Variants in ABCA9 observed in about 807,000 individuals in gnomAD.
The protein encoded by ABCA9 is ATP-binding cassette sub-family A member 9.
Under a neutral mutation model 205.3 loss-of-function variants are expected in ABCA9, and 183 were observed. That is an observed-to-expected ratio of 0.89 (90% CI 0.79 to 1.01). The LOEUF is 1.01. ABCA9 is among the 50% of genes least tolerant of loss of function. The pLI, the probability that ABCA9 is intolerant of heterozygous loss-of-function variation, is 0.00. For synonymous variants in ABCA9, 651 were observed against 683.3 expected (o/e 0.95, Z 0.74); for missense variants, 1,805 against 1,912.4 (o/e 0.94, Z 1.05).
intron 25 of ABCA9, among the ~76,000 whole-genome samples, chr17:69,005,103 C>A (rs2070077051): frequency 6.6e-6 from 1 of 152,192 alleles, no homozygotes; most frequent in Admixed American, 6.5e-5. Context: ...AGGCTGGGAG[C>A]TGTAGACCGG....
intron 25 of ABCA9, among the ~76,000 whole-genome samples, chr17:69,007,020 G>A (rs542036575): frequency 6.6e-6 from 1 of 152,200 alleles, no homozygotes; most frequent in South Asian, 2.1e-4. Flanking sequence ...ACATGCATGT[G>A]GATTGAATGA....
intron 1 of ABCA9, among the ~76,000 whole-genome samples, chr17:69,054,776 G>A (rs866523024): frequency 6.6e-6 from 1 of 151,866 alleles, no homozygotes; most frequent in Non-Finnish European, 1.5e-5. Flanking sequence ...TAAGTGAAAT[G>A]AATGACAGTA....
chr17:69,045,146 A>C (rs1458999926), intron 4 of ABCA9, 26 bp downstream of exon 4: 1 of 1,606,400 alleles, frequency 6.2e-7, no homozygotes, highest in East Asian at 2.2e-5. Flanking sequence ...ATAGCAAAAA[A>C]AATTTTTTTC....
chr17:69,009,095 T>C (rs1313388554), intron 23 of ABCA9, among the ~76,000 whole-genome samples: 2 of 152,170 alleles, frequency 1.3e-5, no homozygotes, highest in African/African-American at 4.8e-5. Context: ...ATTTACAGAA[T>C]GTATACCGTA....
Position 68,976,004 on chromosome 17 carries a change from C to A in ABCA9, c.4786G>T (p.Glu1596Ter), listed in dbSNP as rs1301446774. 2 of 1,613,578 alleles carry A rather than the reference C, an allele frequency of 1.2e-6. No homozygotes were observed. Among genetic ancestry groups the A allele is most frequent in the Non-Finnish European group, 1.7e-6 (2 of 1,179,830 alleles). Residue 1596 changes from glutamate (E) to a stop codon, truncating the protein, a stop_gained, in exon 39 of 39, where the codon GAG becomes TAG. Transcript: ENST00000340001. LOFTEE classifies it high-confidence loss of function. The stretch of plus-strand genomic sequence containing the variant: ...CCCAGCTCCTGCTCCTTGGAGAGCT[C>A]CAGGAAAACCTAAAAGGAAGGAAAG... ...SQSTLEQVFLELSKEQELGDL... is the reference protein window; with the variant it reads ...SQSTLEQVFL
chr17:68,985,259 C>G (rs1047927741), intron 32 of ABCA9, 131 bp from the exon 33 acceptor site: 4 of 1,090,794 alleles, frequency 3.7e-6, no homozygotes, highest in Non-Finnish European at 5.4e-6. Context: ...AAATTTAAAC[C>G]ACCTAGGTAC....
At position 68,975,927 on chromosome 17, in the gene ABCA9, C is replaced by G. The variant is rs1350126936; in HGVS notation, c.4863G>C (p.Gln1621His). 2 of 1,612,444 alleles carry G rather than the reference C, an allele frequency of 1.2e-6. No individual in the cohort carries two copies. Among genetic ancestry groups the G allele is most frequent in the South Asian group, 2.2e-5 (2 of 90,750 alleles). The stretch of plus-strand genomic sequence containing the variant: ...GGTATTTGGAGCTTTAAGGCTCTTC[C>G]TGCAGGAGGAGTTTCCACTTCACCG... ...DPSVKWKLLL[Q>H]EEP is the part of the protein sequence containing the mutation. Residue 1621 changes from glutamine (Q) to histidine (H), a missense_variant, in exon 39 of 39, where the codon CAG (glutamine) becomes CAC (histidine). Gln to His is a conservative substitution (Grantham distance 24, BLOSUM62 0). Coordinates refer to ENST00000340001, the MANE Select transcript of ABCA9 (RefSeq NM_080283.4).
rs1335227110 is a variant in ABCA9, at chr17:68,988,549, T to A, written c.4047+478A>T. Among the ~76,000 whole-genome samples the A allele has an allele frequency of 2.6e-5, 4 of 152,214 alleles. No individual in the cohort carries two copies. The East Asian group carries it at 7.7e-4, about 29-fold the overall frequency. On this transcript the variant is annotated intron_variant, in intron 31 of 38. Transcript: ENST00000340001. ...TGGTATATACCTTCTTAAAGACCTA[T>A]GAGGTTTTACTCGCTAATGGACTCT...
intron 32 of ABCA9, among the ~76,000 whole-genome samples, chr17:68,985,899 C>G (rs768102408): frequency 6.6e-6 from 1 of 151,906 alleles, no homozygotes; most frequent in Non-Finnish European, 1.5e-5. Flanking sequence ...GGAGGTTGCA[C>G]TGAGCACTCC....
chr17:69,060,960 C>T (rs1250244755), upstream of ABCA9: 1 of 985,312 alleles, frequency 1.0e-6, no homozygotes, highest in African/African-American at 1.7e-5. Context: ...TGGGTCACTA[C>T]TACATCATGC....
the ABCA9 span, among the ~76,000 whole-genome samples, chr17:69,074,126 G>A: frequency 6.6e-6 from 1 of 152,108 alleles, no homozygotes; most frequent in African/African-American, 2.4e-5. Flanking sequence ...TCACTGGTGA[G>A]AACTATTCTA....
chr17:69,012,801 C>CTGTTGTGCTAT (rs2070430344), intron 22 of ABCA9, among the ~76,000 whole-genome samples: 1 of 152,090 alleles, frequency 6.6e-6, no homozygotes, highest in South Asian at 2.1e-4. Context: ...TAGAGTCACC[C>CTGTTGTGCTAT]TGTTGTGCTA....
At chr17:69,036,758 T>C (rs2071351663) in intron 6 of ABCA9, among the ~76,000 whole-genome samples, 2 of 148,724 alleles carry the variant, frequency 1.3e-5, no homozygotes, top group African/African-American at 5.0e-5. Flanking sequence ...CCGAATTGGA[T>C]AAAGAGTCAA....
At chr17:69,030,982 G>A (rs949699845) in intron 10 of ABCA9, among the ~76,000 whole-genome samples, 7 of 152,110 alleles carry the variant, frequency 4.6e-5, no homozygotes, top group African/African-American at 9.7e-5. Context: ...GTTGGGTGCC[G>A]CACCAGCCAC....
upstream of ABCA9, among the ~76,000 whole-genome samples, chr17:69,063,609 GTT>G (rs67440349): frequency 6.2e-5 from 9 of 144,480 alleles, no homozygotes; most frequent in African/African-American, 1.5e-4. Flanking sequence ...TTTTGTGTTT[GTT>G]TTTTTTTGTG....
intron 23 of ABCA9, 35 bp from the exon 24 acceptor site, chr17:69,008,270 T>A (rs761385424): frequency 2.5e-6 from 4 of 1,581,452 alleles, no homozygotes; most frequent in Non-Finnish European, 3.4e-6. Context: ...CAAAAGGTTC[T>A]GAAGAGCTGA....
chr17:69,015,321 C>A (rs1052218502), intron 22 of ABCA9, among the ~76,000 whole-genome samples: 1 of 152,058 alleles, frequency 6.6e-6, no homozygotes, highest in African/African-American at 2.4e-5. Context: ...AAAAAGTAAC[C>A]AAGAAGCTAT....
the ABCA9 span, among the ~76,000 whole-genome samples, chr17:69,070,361 C>T: frequency 3.9e-5 from 6 of 152,118 alleles, no homozygotes; most frequent in South Asian, 4.2e-4. Context: ...ACGCAGAAGA[C>T]GGGTGATTTC....
intron 18 of ABCA9, 99 bp downstream of exon 18, chr17:69,021,643 T>C (rs979399684): frequency 1.5e-5 from 12 of 796,816 alleles, no homozygotes; most frequent in African/African-American, 5.2e-5. Context: ...ATTTTCAAGA[T>C]AAAATACTGC....
Sources: allele counts gnomAD v4.1 joint callset (sites outside exome capture counted in the v4.1 genomes callset), GRCh38; gene constraint gnomAD v4.1.1; transcripts MANE v1.5; gene names NCBI Gene and HGNC (gene_info 2026-07-23, HGNC 2026-07-21).